Variants in DPP6 observed in about 807,000 individuals in gnomAD.
DPP6 encodes the protein dipeptidyl peptidase like 6, also known as A-type potassium channel modulatory protein DPP6.
Under a neutral mutation model 122.6 loss-of-function variants are expected in DPP6, and 69 were observed. The ratio of observed to expected loss-of-function variants is 0.56; its 90% confidence interval spans 0.46 to 0.69. DPP6 has a LOEUF of 0.69. DPP6 is among the 30% of genes least tolerant of loss of function. The probability of loss-of-function intolerance (pLI) is 0.00; values close to 1 mark genes in which losing one functional copy is unlikely to be tolerated. For missense variants in DPP6, 928 were observed against 1,116.9 expected (o/e 0.83, Z 2.41); for synonymous variants, 418 against 433.1 (o/e 0.97, Z 0.43).
intron 21 of DPP6, chr7:154,884,874 C>G (rs1563326490): frequency 1.3e-5 from 2 of 152,354 alleles, no homozygotes; most frequent in African/African-American, 2.4e-5. Flanking sequence ...TGCACATGTT[C>G]ACACGTTTAT....
At chr7:154,699,526 C>G (rs566149406) in intron 7 of DPP6, among the ~76,000 whole-genome samples, 1 of 152,224 alleles carries the variant, frequency 6.6e-6, no homozygotes, top group Admixed American at 6.5e-5. Flanking sequence ...ATAAAGGCCC[C>G]GTGGCCCAGC....
intron 1 of DPP6, among the ~76,000 whole-genome samples, chr7:154,364,036 C>G (rs764788895): frequency 6.6e-6 from 1 of 152,070 alleles, no homozygotes; most frequent in Non-Finnish European, 1.5e-5. Context: ...TTGCTTGGGA[C>G]GGGAGTGGTC....
At chr7:153,836,855 C>T in the DPP6 span, among the ~76,000 whole-genome samples, 1 of 152,214 alleles carries the variant, frequency 6.6e-6, no homozygotes, top group Non-Finnish European at 1.5e-5. Context: ...CTCACTCTGA[C>T]TTCCAGTTAA....
At position 154,104,753 on chromosome 7, in the gene DPP6, A is replaced by G. The variant is rs1274232564; in HGVS notation, c.243+51690A>G. 5.8e-4 allele frequency among the ~76,000 whole-genome samples: 79 copies of G among 135,232 alleles called. No homozygotes were observed. The Middle Eastern group carries it at 0.015, about 26-fold the overall frequency. The allele number at this position is 135,232 out of a possible 152,430, so 88.7% of individuals were successfully genotyped here. ...TGTGTGCTTACATAACATACACTCA[A>G]TGTAAGATCAGATTTGAGGCTGGGA... On this transcript the variant is annotated intron_variant, in intron 1 of 25. Transcript: ENST00000377770.
At chr7:154,329,119 G>C (rs987913582) in intron 1 of DPP6, among the ~76,000 whole-genome samples, 2 of 152,170 alleles carry the variant, frequency 1.3e-5, no homozygotes, top group African/African-American at 4.8e-5. Context: ...GAACAGTACA[G>C]GTGTTTTGCT....
chr7:154,846,078 A>G (rs1375762919), intron 16 of DPP6, among the ~76,000 whole-genome samples: 5 of 152,228 alleles, frequency 3.3e-5, no homozygotes, highest in African/African-American at 1.2e-4. Flanking sequence ...GGCCAACAGC[A>G]TGAGAGTGGA....
intron 1 of DPP6, among the ~76,000 whole-genome samples, chr7:153,891,662 G>T (rs150112810): frequency 2.5e-4 from 38 of 152,254 alleles, no homozygotes; most frequent in African/African-American, 9.1e-4. Context: ...GTGTTGCTTC[G>T]TGCTGAATTC....
chr7:153,895,646 G>A (rs1584996587), intron 1 of DPP6, among the ~76,000 whole-genome samples: 2 of 151,646 alleles, frequency 1.3e-5, no homozygotes, highest in African/African-American at 4.9e-5. Context: ...AAAATCTAGA[G>A]CATTCATGCA....
At chr7:154,580,258 AACAC>A (rs757091692) in intron 5 of DPP6, among the ~76,000 whole-genome samples, 1 of 149,284 alleles carries the variant, frequency 6.7e-6, no homozygotes, top group African/African-American at 2.5e-5. Flanking sequence ...CACACACATT[AACAC>A]ACACACACAT....
the DPP6 span, among the ~76,000 whole-genome samples, chr7:153,808,146 A>C: frequency 6.6e-6 from 1 of 152,148 alleles, no homozygotes; most frequent in Admixed American, 6.5e-5. Context: ...GATCACCACG[A>C]TCAAGCTAAG....
At chr7:154,257,872 A>G (rs1802756219) in intron 1 of DPP6, among the ~76,000 whole-genome samples, 1 of 152,108 alleles carries the variant, frequency 6.6e-6, no homozygotes, top group South Asian at 2.1e-4. Context: ...CGGCCACATG[A>G]CCTTGTTTGG....
chr7:153,903,265 G>A (rs544471947), intron 1 of DPP6, among the ~76,000 whole-genome samples: 1 of 152,354 alleles, frequency 6.6e-6, no homozygotes, highest in African/African-American at 2.4e-5. Flanking sequence ...GCATGGCTAA[G>A]GAGCAGCCAT....
intron 1 of DPP6, among the ~76,000 whole-genome samples, chr7:154,173,609 T>C (rs1415500630): frequency 1.3e-5 from 2 of 152,132 alleles, no homozygotes; most frequent in Non-Finnish European, 2.9e-5. Context: ...CCTGTCTCCG[T>C]TCCCCATCCC....
chr7:154,076,820 A>G (rs942137604), intron 1 of DPP6, among the ~76,000 whole-genome samples: 1 of 152,026 alleles, frequency 6.6e-6, no homozygotes, highest in Non-Finnish European at 1.5e-5. Flanking sequence ...TGCTTAATAA[A>G]TGCCTTGTAA....
intron 1 of DPP6, among the ~76,000 whole-genome samples, chr7:154,194,896 A>G (rs1423421289): frequency 6.6e-6 from 1 of 152,196 alleles, no homozygotes; most frequent in Non-Finnish European, 1.5e-5. Context: ...AATTCCTTTG[A>G]CAAATATATC....
intron 1 of DPP6, among the ~76,000 whole-genome samples, chr7:153,921,054 AG>A: frequency 6.6e-6 from 1 of 152,264 alleles, no homozygotes; most frequent in Non-Finnish European, 1.5e-5. Flanking sequence ...CTCTATAGCG[AG>A]AAGATCTGGC....
intron 6 of DPP6, among the ~76,000 whole-genome samples, chr7:154,667,839 T>A (rs1219037953): frequency 1.3e-5 from 2 of 152,106 alleles, no homozygotes; most frequent in Non-Finnish European, 2.9e-5. Context: ...AGCTGGTTTC[T>A]AAGCGGCAAT....
chr7:154,696,710 C>T (rs1563114417), intron 7 of DPP6, among the ~76,000 whole-genome samples: 1 of 152,198 alleles, frequency 6.6e-6, no homozygotes, highest in Non-Finnish European at 1.5e-5. Flanking sequence ...ATCAACATAG[C>T]GCCCACCTCA....
At chr7:154,073,590 C>T (rs868453308) in intron 1 of DPP6, among the ~76,000 whole-genome samples, 4 of 152,288 alleles carry the variant, frequency 2.6e-5, no homozygotes, top group East Asian at 3.9e-4. Context: ...CAGTACTCAT[C>T]GCGATTAATA....
Sources: allele counts gnomAD v4.1 joint callset (sites outside exome capture counted in the v4.1 genomes callset), GRCh38; gene constraint gnomAD v4.1.1; transcripts MANE v1.5; gene names NCBI Gene and HGNC (gene_info 2026-07-23, HGNC 2026-07-21).